Variants in B9D1 observed in about 807,000 individuals in gnomAD.
B9D1 encodes B9 domain containing 1.
A neutral mutation model predicts 26.1 loss-of-function variants in B9D1; 20 were observed. The observed-to-expected ratio is 0.77, with a 90% CI of 0.54 to 1.12. B9D1 has a LOEUF of 1.12. Among genes scored for constraint, B9D1 ranks in the 50% most tolerant of loss-of-function variants. The pLI is 0.00. For synonymous variants in B9D1, 105 were observed against 103.1 expected, an observed-to-expected ratio of 1.02 and a Z score of -0.11; for missense variants, 260 against 273.7, an observed-to-expected ratio of 0.95 and a Z score of 0.35.
downstream of B9D1, chr17:19,336,411 G>A (rs1477263754): frequency 6.6e-6 from 1 of 152,514 alleles, no homozygotes; most frequent in East Asian, 1.9e-4. Context: ...TTCATGATGT[G>A]ACTTTGAGGC....
chr17:19,336,788 G>A (rs983392040), downstream of B9D1: 9 of 152,606 alleles, frequency 5.9e-5, no homozygotes, highest in Admixed American at 5.9e-4. Context: ...TGGGAGATGA[G>A]GGAGCCGATT....
downstream of B9D1, chr17:19,341,091 T>G: frequency 8.2e-7 from 1 of 1,219,086 alleles, no homozygotes; most frequent in Non-Finnish European, 1.0e-6. Context: ...TTTCCACATT[T>G]AGACATTTCA....
chr17:19,358,026 C>T, intron 2 of B9D1, 75 bp from the exon 3 acceptor site: 3 of 1,142,300 alleles, frequency 2.6e-6, no homozygotes, highest in Non-Finnish European at 4.0e-6. Context: ...TTACCTTCAG[C>T]AGGCAGTTGG....
chr17:19,373,302 C>T (rs1911978536), intron 1 of B9D1, among the ~76,000 whole-genome samples: 1 of 152,176 alleles, frequency 6.6e-6, no homozygotes, highest in South Asian at 2.1e-4. Context: ...ACCTGTTCTG[C>T]TTCTTGGTTC....
chr17:19,343,977 C>T (rs2152253818), intron 5 of B9D1, 120 bp from the exon 6 acceptor site: 1 of 1,451,772 alleles, frequency 6.9e-7, no homozygotes, highest in East Asian at 2.5e-5. Flanking sequence ...AACCGCACCC[C>T]ACCCCCACCA....
At chr17:19,344,100 C>T (rs532886801) in intron 5 of B9D1, among the ~76,000 whole-genome samples, 1 of 152,354 alleles carries the variant, frequency 6.6e-6, no homozygotes, top group East Asian at 1.9e-4. Context: ...CACGCTGCCT[C>T]CGCTGGCCGG....
downstream of B9D1, among the ~76,000 whole-genome samples, chr17:19,340,295 C>G (rs941813291): frequency 3.3e-5 from 5 of 151,836 alleles, no homozygotes; most frequent in Admixed American, 2.6e-4. Flanking sequence ...CTCAGCCTCC[C>G]GAGTAGCTGG....
chr17:19,357,484 C>A (rs1002092151), intron 3 of B9D1: 8 of 372,942 alleles, frequency 2.1e-5, no homozygotes, highest in Non-Finnish European at 4.1e-5. Flanking sequence ...CTAGCCGGAA[C>A]ACAACACGCC....
upstream of B9D1, among the ~76,000 whole-genome samples, chr17:19,365,291 C>T (rs1911529753): frequency 6.6e-6 from 1 of 152,264 alleles, no homozygotes; most frequent in African/African-American, 2.4e-5. This position sits in a 1 kb window ranked among gnomAD's most constrained non-coding sequence, Gnocchi z 5.0. Context: ...GATCTGGACC[C>T]AAGGTCACAC....
chr17:19,361,837 G>T (rs930530254), intron 1 of B9D1, among the ~76,000 whole-genome samples: 23 of 152,328 alleles, frequency 1.5e-4, no homozygotes, highest in African/African-American at 5.3e-4. Flanking sequence ...TCCCAGACAG[G>T]CCAGTTCCTT....
At chr17:19,336,277 T>C (rs1226725756), downstream of B9D1, 1 of 152,296 alleles carries the variant, frequency 6.6e-6, no homozygotes, top group Non-Finnish European at 1.5e-5. Flanking sequence ...TGCAATGGGA[T>C]GGGAGGCAGG....
rs749504872 is a variant in B9D1 at position 19,362,629 on chromosome 17, C to A, written c.-60G>T. ...GCCGCGCGCGGTTGCTAAGAGACGC[C>A]GGCGTTGCCCTAGAAACAGACGGCG... On this transcript the variant is annotated 5_prime_UTR_variant, in exon 1 of 7. Coordinates refer to ENST00000261499, the MANE Select transcript of B9D1 (RefSeq NM_015681.6). The A allele has an allele frequency of 8.3e-6, 13 of 1,563,428 alleles. No individual in the cohort carries two copies. The highest frequency in any genetic ancestry group is 2.3e-5 in the East Asian group (1 of 42,896).
chr17:19,352,012 A>G (rs1353159916), intron 3 of B9D1, among the ~76,000 whole-genome samples: 1 of 152,044 alleles, frequency 6.6e-6, no homozygotes, highest in Non-Finnish European at 1.5e-5. Context: ...CAGCCTCCCG[A>G]GTAGCTGGGA....
At chr17:19,353,071 G>A (rs1021388638) in intron 3 of B9D1, among the ~76,000 whole-genome samples, 1 of 151,520 alleles carries the variant, frequency 6.6e-6, no homozygotes, top group Non-Finnish European at 1.5e-5. Flanking sequence ...CACCTCCTGG[G>A]TTCAAGCGAT....
At chr17:19,340,424 C>G (rs903386457), downstream of B9D1, among the ~76,000 whole-genome samples, 1 of 136,532 alleles carries the variant, frequency 7.3e-6, no homozygotes, top group East Asian at 2.5e-4. Flanking sequence ...CCGCCTGCAT[C>G]AGCCTCCCAA....
chr17:19,341,101 A>G (rs1209653612), downstream of B9D1: 2 of 1,222,902 alleles, frequency 1.6e-6, no homozygotes, highest in Non-Finnish European at 2.0e-6. Context: ...TAGACATTTC[A>G]GTAATGTTGA....
intron 3 of B9D1, among the ~76,000 whole-genome samples, chr17:19,355,679 A>G (rs1304563506): frequency 6.6e-6 from 1 of 150,816 alleles, no homozygotes; most frequent in Non-Finnish European, 1.5e-5. Context: ...AATACAAAAA[A>G]AAAAATTAGC....
At chr17:19,365,408 G>A (rs1454209227), upstream of B9D1, among the ~76,000 whole-genome samples, 1 of 152,222 alleles carries the variant, frequency 6.6e-6, no homozygotes, top group East Asian at 1.9e-4. This position sits in a 1 kb window ranked among gnomAD's most constrained non-coding sequence, Gnocchi z 5.0. Flanking sequence ...ACCCCTCCTG[G>A]CTGTGCACCC....
chr17:19,346,263 G>C (rs1416293059), intron 5 of B9D1, among the ~76,000 whole-genome samples: 1 of 152,228 alleles, frequency 6.6e-6, no homozygotes, highest in Non-Finnish European at 1.5e-5. Flanking sequence ...CCTAGGGGCA[G>C]TAGGCACACA....
Sources: allele counts gnomAD v4.1 joint callset (sites outside exome capture counted in the v4.1 genomes callset), GRCh38; gene constraint gnomAD v4.1.1; non-coding constraint Gnocchi (gnomAD v3.1); transcripts MANE v1.5; gene names NCBI Gene and HGNC (gene_info 2026-07-23, HGNC 2026-07-21).